GPM6A: variants seen among roughly 807,000 people sequenced by gnomAD.
GPM6A encodes neuronal membrane glycoprotein M6-a.
In GPM6A, 7 loss-of-function variants were observed where a neutral mutation model predicts 32.1. That is an observed-to-expected ratio of 0.22 (90% CI 0.12 to 0.41). The LOEUF (loss-of-function observed/expected upper bound fraction) is 0.41, where lower values mean the gene tolerates loss of function less well. GPM6A is among the 10% of genes least tolerant of loss of function. GPM6A has a pLI of 1.00. For missense variants in GPM6A, 235 were observed against 347.2 expected, an observed-to-expected ratio of 0.68 and a Z score of 2.57; for synonymous variants, 130 against 123.4, an observed-to-expected ratio of 1.05 and a Z score of -0.35.
intron 1 of GPM6A, among the ~76,000 whole-genome samples, chr4:175,775,698 G>A (rs1733365989): frequency 6.6e-6 from 1 of 152,088 alleles, no homozygotes; most frequent in Non-Finnish European, 1.5e-5. Flanking sequence ...GAAGAAATCA[G>A]GAAAATTTCT....
chr4:175,734,768 G>A (rs1407599455), intron 1 of GPM6A, among the ~76,000 whole-genome samples: 1 of 152,072 alleles, frequency 6.6e-6, no homozygotes, highest in East Asian at 1.9e-4. Context: ...AGCTACTCGG[G>A]AGGCTGAGGC....
At chr4:175,840,314 T>C (rs931927488) in intron 1 of GPM6A, among the ~76,000 whole-genome samples, 25 of 152,218 alleles carry the variant, frequency 1.6e-4, no homozygotes, top group Non-Finnish European at 3.1e-4. Context: ...ATTTTCTCCA[T>C]TATTCATTAC....
At chr4:175,835,428 T>C (rs1188317285) in intron 1 of GPM6A, among the ~76,000 whole-genome samples, 1 of 151,972 alleles carries the variant, frequency 6.6e-6, no homozygotes, top group Non-Finnish European at 1.5e-5. Flanking sequence ...TAAGAAAACA[T>C]GGATCCCAAA....
intron 1 of GPM6A, among the ~76,000 whole-genome samples, chr4:175,850,340 A>T (rs995092930): frequency 6.6e-6 from 1 of 152,174 alleles, no homozygotes; most frequent in Non-Finnish European, 1.5e-5. Flanking sequence ...CAGAGGAAAA[A>T]ATGGAACATT....
intron 1 of GPM6A, among the ~76,000 whole-genome samples, chr4:175,910,079 C>A (rs900399349): frequency 2.0e-5 from 3 of 152,148 alleles, no homozygotes; most frequent in African/African-American, 7.2e-5. Context: ...TTATCAGTTT[C>A]TGTGGCATAA....
intron 1 of GPM6A, among the ~76,000 whole-genome samples, chr4:175,782,936 T>C (rs981311917): frequency 6.8e-5 from 9 of 131,720 alleles, no homozygotes; most frequent in Non-Finnish European, 1.4e-4. Context: ...CATGGTAATA[T>C]CCATATCTGT....
At chr4:175,997,472 T>TC (rs1229822007) in intron 1 of GPM6A, among the ~76,000 whole-genome samples, 1 of 152,114 alleles carries the variant, frequency 6.6e-6, no homozygotes, top group Non-Finnish European at 1.5e-5. Flanking sequence ...TGTTTTTTTT[T>TC]TCTCTAATAG....
At chr4:175,836,824 T>G (rs1158298473) in intron 1 of GPM6A, among the ~76,000 whole-genome samples, 1 of 152,150 alleles carries the variant, frequency 6.6e-6, no homozygotes, top group Non-Finnish European at 1.5e-5. Context: ...AGATTAGAAC[T>G]ATTAGATGAC....
At chr4:175,707,860 A>G (rs1458297979) in intron 1 of GPM6A, among the ~76,000 whole-genome samples, 1 of 152,060 alleles carries the variant, frequency 6.6e-6, no homozygotes, top group Non-Finnish European at 1.5e-5. Flanking sequence ...AAATTCTATC[A>G]TATGCTTCCC....
At chr4:175,773,549 A>G (rs1208423086) in intron 1 of GPM6A, among the ~76,000 whole-genome samples, 3 of 152,052 alleles carry the variant, frequency 2.0e-5, no homozygotes, top group Non-Finnish European at 2.9e-5. Context: ...AATAATAAGA[A>G]TAATGCTAAA....
At chr4:175,833,538 A>T (rs541387089) in intron 1 of GPM6A, among the ~76,000 whole-genome samples, 1 of 152,338 alleles carries the variant, frequency 6.6e-6, no homozygotes, top group South Asian at 2.1e-4. Flanking sequence ...GGAATAAGGC[A>T]AGGTATAAAC....
rs1461988918 is a variant in GPM6A at position 175,634,812 on chromosome 4, C to G, written c.*93G>C. Reference sequence around the variant, plus strand: ...CACCTTACATATCATTGATGAGAAGCACTTTCGTTTTGTTTTTTAAAGGTT... The same window carrying G: ...CACCTTACATATCATTGATGAGAAGGACTTTCGTTTTGTTTTTTAAAGGTT... On this transcript the variant is annotated 3_prime_UTR_variant, in exon 7 of 7. Coordinates refer to ENST00000393658, the MANE Select transcript of GPM6A (RefSeq NM_201591.3). The G allele has an allele frequency of 8.6e-6, 8 of 929,088 alleles. No homozygotes were observed. Among genetic ancestry groups the G allele is most frequent in the African/African-American group, 1.7e-5 (1 of 60,544 alleles). The allele number at this position is 929,088 out of a possible 1,614,324, so 57.6% of individuals were successfully genotyped here. A position where few individuals can be genotyped will look rare whatever the true frequency, so the allele number is the denominator to read the frequency against.
At chr4:175,815,158 GCAC>G (rs1228013386), upstream of GPM6A, among the ~76,000 whole-genome samples, 1 of 152,086 alleles carries the variant, frequency 6.6e-6, no homozygotes, top group Non-Finnish European at 1.5e-5. Flanking sequence ...TTTCAGGCAT[GCAC>G]CACCACACCC....
At chr4:175,796,443 T>C (rs1734231341) in intron 1 of GPM6A, among the ~76,000 whole-genome samples, 1 of 152,210 alleles carries the variant, frequency 6.6e-6, no homozygotes. Context: ...GATACTTTTC[T>C]TCCTACTTGA....
chr4:175,812,847 CCTCA>C (rs1734984042), upstream of GPM6A: 5 of 985,324 alleles, frequency 5.1e-6, no homozygotes, highest in Non-Finnish European at 6.0e-6. Context: ...CCTTTTCTCT[CCTCA>C]CTAAGTATTT....
intron 1 of GPM6A, among the ~76,000 whole-genome samples, chr4:175,986,272 T>C (rs899033217): frequency 6.6e-6 from 1 of 152,188 alleles, no homozygotes; most frequent in Non-Finnish European, 1.5e-5. Flanking sequence ...TGATGCCTCA[T>C]GCTTGTAATT....
At chr4:175,756,104 G>A (rs1028511755) in intron 1 of GPM6A, among the ~76,000 whole-genome samples, 8 of 152,102 alleles carry the variant, frequency 5.3e-5, no homozygotes, top group African/African-American at 1.4e-4. Flanking sequence ...AAGTTATTTA[G>A]GTGATTAAGA....
intron 4 of GPM6A, among the ~76,000 whole-genome samples, chr4:175,646,619 T>C (rs937015411): frequency 3.9e-5 from 6 of 152,254 alleles, no homozygotes; most frequent in Admixed American, 6.5e-5. Flanking sequence ...CTTAAATATT[T>C]GTTGAAAATG....
chr4:175,950,366 T>TAG (rs1452798213), intron 1 of GPM6A, among the ~76,000 whole-genome samples: 1 of 152,222 alleles, frequency 6.6e-6, no homozygotes, highest in African/African-American at 2.4e-5. Flanking sequence ...GTGCCATTGA[T>TAG]TCCTAAGACA....
Sources: allele counts gnomAD v4.1 joint callset (sites outside exome capture counted in the v4.1 genomes callset), GRCh38; gene constraint gnomAD v4.1.1; transcripts MANE v1.5; gene names NCBI Gene and HGNC (gene_info 2026-07-23, HGNC 2026-07-21).